ATP9B: variants seen among roughly 807,000 people sequenced by gnomAD.
ATP9B encodes probable phospholipid-transporting ATPase IIB.
A neutral mutation model predicts 146.1 loss-of-function variants in ATP9B; 110 were observed. The observed-to-expected ratio is 0.75, with a 90% CI of 0.65 to 0.88. The LOEUF (loss-of-function observed/expected upper bound fraction) is 0.88. Ranked by LOEUF, ATP9B falls within the 40% of genes least tolerant of loss-of-function variation. The pLI is 0.00. For synonymous variants in ATP9B, 604 were observed against 569.7 expected, an observed-to-expected ratio of 1.06 and a Z score of -0.86; for missense variants, 1,499 against 1,496.4, an observed-to-expected ratio of 1.00 and a Z score of -0.03.
At chr18:79,088,717 A>G (rs573467678) in intron 1 of ATP9B, among the ~76,000 whole-genome samples, 86 of 152,322 alleles carry the variant, frequency 5.6e-4, no homozygotes, top group African/African-American at 1.9e-3. Context: ...ATTCTATTCC[A>G]TGGTATATTT....
chr18:79,262,817 A>C (rs1365119594), intron 12 of ATP9B, among the ~76,000 whole-genome samples: 1 of 152,212 alleles, frequency 6.6e-6, no homozygotes, highest in East Asian at 1.9e-4. Context: ...TACACGCTTA[A>C]GATGTTTCCT....
chr18:79,113,289 A>T lies in ATP9B; in HGVS notation c.493A>T (p.Ile165Leu). ...KFFLNLYFLV[I>L]SCSQFVPALK... ...TTTCTTGAATCTCTATTTTCTAGTA[A>T]TATCCTGCTCACAGTTTGTACCAGC... is the stretch of plus-strand genomic sequence containing the variant. Residue 165 changes from isoleucine to leucine, a missense_variant, in exon 4 of 30, where the codon ATA (isoleucine) becomes TTA (leucine). Ile to Leu is a conservative substitution (Grantham distance 5, BLOSUM62 2). Coordinates refer to ENST00000426216, the MANE Select transcript of ATP9B (RefSeq NM_198531.5). The T allele has an allele frequency of 6.2e-7, 1 of 1,602,376 alleles. No homozygotes were observed. Among genetic ancestry groups the T allele is most frequent in the Non-Finnish European group, 8.5e-7 (1 of 1,170,860 alleles).
intron 1 of ATP9B, among the ~76,000 whole-genome samples, chr18:79,092,231 G>C (rs549414100): frequency 6.6e-6 from 1 of 152,280 alleles, no homozygotes; most frequent in East Asian, 1.9e-4. Context: ...AGCCATCCTA[G>C]AGTGTACTCA....
At chr18:79,104,315 T>G (rs919202886) in intron 2 of ATP9B, among the ~76,000 whole-genome samples, 1 of 152,020 alleles carries the variant, frequency 6.6e-6, no homozygotes. Flanking sequence ...AGGATGTTCA[T>G]AGAGGAAGTG....
At position 79,341,223 on chromosome 18, in the gene ATP9B, A is replaced by G. The variant is rs1462350839; in HGVS notation, c.2284-1045A>G. ...GTAGCGTGACCTTGTCGAAGTCTGC[A>G]TTGCCGACACACCATTTAGTTGTGG... On this transcript the variant is annotated intron_variant, in intron 19 of 29. Transcript: ENST00000426216. Among the ~76,000 whole-genome samples, 416 of 117,870 alleles carry G rather than the reference A, an allele frequency of 3.5e-3. 1 individual carries two copies. The highest frequency in any genetic ancestry group is 0.013 in the African/African-American group (377 of 29,984). The allele number at this position is 117,870 out of a possible 152,430, so 77.3% of individuals were successfully genotyped here.
At chr18:79,127,200 A>G (rs1365673669) in intron 5 of ATP9B, among the ~76,000 whole-genome samples, 1 of 152,210 alleles carries the variant, frequency 6.6e-6, no homozygotes, top group Non-Finnish European at 1.5e-5. Context: ...GCTCTATTTC[A>G]CATAACATAA....
chr18:79,184,838 C>G (rs925856557), intron 8 of ATP9B, among the ~76,000 whole-genome samples: 1 of 152,130 alleles, frequency 6.6e-6, no homozygotes, highest in Non-Finnish European at 1.5e-5. Context: ...CCTGAAGAAC[C>G]TTCCAAGAAT....
intron 14 of ATP9B, among the ~76,000 whole-genome samples, chr18:79,303,955 A>C (rs1316859012): frequency 6.6e-6 from 1 of 152,110 alleles, no homozygotes; most frequent in Non-Finnish European, 1.5e-5. Context: ...ATCACATTTT[A>C]CTAGTGAGTT....
At chr18:79,155,442 T>G (rs1232859410) in intron 7 of ATP9B, among the ~76,000 whole-genome samples, 1 of 152,200 alleles carries the variant, frequency 6.6e-6, no homozygotes, top group Non-Finnish European at 1.5e-5. Flanking sequence ...TTTGGCCCAT[T>G]TCTAGTTATG....
At chr18:79,257,545 T>C (rs2096095019) in intron 12 of ATP9B, among the ~76,000 whole-genome samples, 1 of 152,200 alleles carries the variant, frequency 6.6e-6, no homozygotes, top group South Asian at 2.1e-4. Flanking sequence ...TTCAGAGCAA[T>C]GTGGGGCTTC....
chr18:79,199,592 A>G (rs750450065), intron 9 of ATP9B, among the ~76,000 whole-genome samples: 1 of 151,456 alleles, frequency 6.6e-6, no homozygotes. Flanking sequence ...GTGAAACCCC[A>G]TCTCTACTAA....
At chr18:79,088,435 A>C (rs927760547) in intron 1 of ATP9B, among the ~76,000 whole-genome samples, 36 of 152,234 alleles carry the variant, frequency 2.4e-4, no homozygotes, top group African/African-American at 8.4e-4. Flanking sequence ...TTTTAAGGGA[A>C]AATATTATTA....
intron 2 of ATP9B, among the ~76,000 whole-genome samples, chr18:79,101,005 C>T (rs1348222734): frequency 6.6e-6 from 1 of 152,040 alleles, no homozygotes; most frequent in Non-Finnish European, 1.5e-5. Flanking sequence ...GGGGACACAG[C>T]CAAACCATAT....
chr18:79,373,191 CTT>C (rs1271122519), intron 27 of ATP9B, among the ~76,000 whole-genome samples: 1 of 152,078 alleles, frequency 6.6e-6, no homozygotes, highest in East Asian at 1.9e-4. Flanking sequence ...GATAAAAAGA[CTT>C]TGAGAAATCT....
chr18:79,135,768 GT>G, intron 5 of ATP9B, among the ~76,000 whole-genome samples: 1 of 152,078 alleles, frequency 6.6e-6, no homozygotes, highest in South Asian at 2.1e-4. Context: ...TCTTCTAGAA[GT>G]TTTTTTAGTT....
intron 14 of ATP9B, among the ~76,000 whole-genome samples, chr18:79,304,051 T>A (rs902152279): frequency 7.2e-5 from 11 of 152,172 alleles, no homozygotes; most frequent in African/African-American, 2.2e-4. Context: ...CAGTTCTGTT[T>A]TTCTCTATAA....
Position 79,376,172 on chromosome 18 carries a change from A to AACACACACACACACACACAC in ATP9B, c.3307+770_3307+789dup, listed in dbSNP as rs373840231. 13 of 755,058 alleles carry AACACACACACACACACACAC rather than the reference A, an allele frequency of 1.7e-5. No homozygotes were observed. In the East Asian group the frequency reaches 9.3e-4, roughly 54 times the overall value. 46.8% of individuals were successfully genotyped at this position (755,058 alleles called of 1,614,324 possible). On this transcript the variant is annotated intron_variant, in intron 29 of 29. Coordinates refer to ENST00000426216, the MANE Select transcript of ATP9B (RefSeq NM_198531.5). ...CTCATAAAGTCAGCTCTACCTTAGAAACACACACACACACACACACACACA... is the reference window on the plus strand; with the variant it reads ...CTCATAAAGTCAGCTCTACCTTAGAAACACACACACACACACACACACACACACACACACACACACACACA...
intron 26 of ATP9B, among the ~76,000 whole-genome samples, chr18:79,370,757 C>T (rs142502286): frequency 8.0e-4 from 122 of 152,288 alleles, no homozygotes; most frequent in African/African-American, 2.9e-3. Flanking sequence ...TCCCTGTTGG[C>T]AGCTCCTAAA....
At position 79,277,097 on chromosome 18, in the gene ATP9B, A is replaced by G. The variant is rs749938619; in HGVS notation, c.1312A>G (p.Met438Val). The G allele has an allele frequency of 2.0e-5, 32 of 1,614,166 alleles. No homozygotes were observed. Among genetic ancestry groups the G allele is most frequent in the Non-Finnish European group, 2.5e-5 (30 of 1,180,038 alleles). ...LDMGKAVYGW[M>V]MMKDENIPGT... Reference sequence around the variant, plus strand: ...CATGGGCAAAGCGGTGTATGGATGGATGATGATGAAAGATGAGAACATCCC... The same window carrying G: ...CATGGGCAAAGCGGTGTATGGATGGGTGATGATGAAAGATGAGAACATCCC... The change falls in exon 13 of 30, where the codon ATG (methionine) becomes GTG (valine). Residue 438 changes from methionine (M) to valine (V), a missense_variant. Met to Val is a conservative substitution (Grantham distance 21, BLOSUM62 1). Coordinates refer to ENST00000426216, the MANE Select transcript of ATP9B (RefSeq NM_198531.5).
Sources: gnomAD v4.1 joint callset for allele counts (sites outside exome capture counted in the v4.1 genomes callset) on GRCh38, gnomAD v4.1.1 for gene constraint, MANE v1.5 for transcripts, NCBI Gene and HGNC (gene_info 2026-07-23, HGNC 2026-07-21) for gene names.